Variants in ZNF148 observed in about 807,000 individuals in gnomAD.
The protein encoded by ZNF148 is Beta-Enolase Repressor Factor-1.
ZNF148 carries 7 observed loss-of-function variants against 67.7 expected under a neutral mutation model. The ratio of observed to expected loss-of-function variants is 0.10; its 90% confidence interval spans 0.06 to 0.19. The LOEUF (loss-of-function observed/expected upper bound fraction) is 0.19, where lower values mean the gene tolerates loss of function less well. Ranked by LOEUF, ZNF148 falls within the 10% of genes least tolerant of loss-of-function variation. The pLI, the probability that ZNF148 is intolerant of heterozygous loss-of-function variation, is 1.00. For synonymous variants in ZNF148, 333 were observed against 330.7 expected, an observed-to-expected ratio of 1.01 and a Z score of -0.08; for missense variants, 583 against 947.1, an observed-to-expected ratio of 0.62 and a Z score of 5.05.
At chr3:125,337,790 T>C (rs1222145915) in intron 1 of ZNF148, among the ~76,000 whole-genome samples, 1 of 152,152 alleles carries the variant, frequency 6.6e-6, no homozygotes, top group Non-Finnish European at 1.5e-5. Flanking sequence ...TTACACACCA[T>C]CTTAGTGGCA....
chr3:125,305,717 T>A (rs1478945974), intron 4 of ZNF148, among the ~76,000 whole-genome samples: 1 of 150,770 alleles, frequency 6.6e-6, no homozygotes, highest in Non-Finnish European at 1.5e-5. Flanking sequence ...GGAGACTGAG[T>A]TGTGAGGATT....
intron 7 of ZNF148, among the ~76,000 whole-genome samples, chr3:125,246,552 T>C (rs1003920735): frequency 1.3e-5 from 2 of 152,058 alleles, no homozygotes; most frequent in African/African-American, 4.8e-5. Context: ...AAATGTTAAA[T>C]GAGATAATTA....
At chr3:125,296,866 G>T (rs1371078451) in intron 4 of ZNF148, among the ~76,000 whole-genome samples, 6 of 151,364 alleles carry the variant, frequency 4.0e-5, no homozygotes, top group African/African-American at 4.9e-5. Flanking sequence ...ATATAAATAG[G>T]CATGTAGATA....
At chr3:125,351,380 C>CAAAAA (rs1158167448) in intron 1 of ZNF148, among the ~76,000 whole-genome samples, 668 of 51,036 alleles carry the variant, frequency 0.013, 76 homozygotes, top group Middle Eastern at 0.025. Flanking sequence ...CCTTGTTTCT[C>CAAAAA]AAAAAAAAAA....
intron 1 of ZNF148, among the ~76,000 whole-genome samples, chr3:125,342,893 G>C (rs978158410): frequency 6.6e-6 from 1 of 152,124 alleles, no homozygotes; most frequent in Non-Finnish European, 1.5e-5. Flanking sequence ...TATAAAAGTT[G>C]ATATTAGTAG....
intron 7 of ZNF148, among the ~76,000 whole-genome samples, chr3:125,254,738 C>T (rs1319915816): frequency 6.6e-6 from 1 of 151,962 alleles, no homozygotes; most frequent in African/African-American, 2.4e-5. Context: ...CTAATCCTTA[C>T]ATATAAAGTG....
At position 125,259,412 on chromosome 3, in the gene ZNF148, T is replaced by C. The variant is rs537855054; in HGVS notation, c.667+18314A>G. Among the ~76,000 whole-genome samples, 48 of 152,242 alleles carry C rather than the reference T, an allele frequency of 3.2e-4. 1 individual carries two copies. The South Asian group carries it at 1.0e-2, about 32-fold the overall frequency. ...CATAAGATACTGTGGAGATGTAAAA[T>C]GGTATAGTTGCTTTGGAAAATGCTA... On this transcript the variant is annotated intron_variant, in intron 7 of 8. Transcript: ENST00000360647.
intron 2 of ZNF148, among the ~76,000 whole-genome samples, chr3:125,325,418 A>G (rs1042651503): frequency 3.3e-5 from 5 of 152,118 alleles, no homozygotes; most frequent in Admixed American, 3.3e-4. Context: ...GAAGAGAAAG[A>G]GCAGAAAAAA....
At position 125,336,807 on chromosome 3, in the gene ZNF148, G is replaced by C. The variant is rs556671432; in HGVS notation, c.-233-5569C>G. ...TTCCCCTGCCTCAGCCTCCCACATA[G>C]CTGGGACTACAGGCGCGTGCCTCCA... On this transcript the variant is annotated intron_variant, in intron 1 of 8. Coordinates refer to ENST00000360647, the MANE Select transcript of ZNF148 (RefSeq NM_021964.3). 9.2e-4 allele frequency among the ~76,000 whole-genome samples: 135 copies of C among 146,210 alleles called. No homozygotes were observed. In the Middle Eastern group the frequency reaches 0.011, roughly 12 times the overall value.
chr3:125,312,972 A>G (rs566652090), intron 4 of ZNF148, among the ~76,000 whole-genome samples: 175 of 152,312 alleles, frequency 1.1e-3, no homozygotes, highest in African/African-American at 4.1e-3. Context: ...TGAATGTGTG[A>G]TATTTTTCTA....
At chr3:125,296,387 T>C (rs1939287342) in intron 4 of ZNF148, among the ~76,000 whole-genome samples, 1 of 152,250 alleles carries the variant, frequency 6.6e-6, no homozygotes, top group East Asian at 1.9e-4. Context: ...CCTCCCAAAG[T>C]GCTGGGATTA....
At chr3:125,236,884 G>C (rs1936117550) in intron 7 of ZNF148, among the ~76,000 whole-genome samples, 1 of 152,142 alleles carries the variant, frequency 6.6e-6, no homozygotes, top group Non-Finnish European at 1.5e-5. Flanking sequence ...TTACTACAAT[G>C]AATCCAGACC....
intron 1 of ZNF148, among the ~76,000 whole-genome samples, chr3:125,343,729 T>C (rs1051967473): frequency 6.6e-6 from 1 of 152,150 alleles, no homozygotes; most frequent in Non-Finnish European, 1.5e-5. Flanking sequence ...CCATCCACAC[T>C]GTGGAAGCTT....
intron 4 of ZNF148, among the ~76,000 whole-genome samples, chr3:125,297,795 A>C (rs550358832): frequency 5.9e-5 from 9 of 152,298 alleles, no homozygotes; most frequent in African/African-American, 1.4e-4. Context: ...TGGCAAAACC[A>C]ATTTAAAAAA....
intron 1 of ZNF148, among the ~76,000 whole-genome samples, chr3:125,372,814 A>T (rs1490873008): frequency 6.6e-6 from 1 of 151,926 alleles, no homozygotes; most frequent in Non-Finnish European, 1.5e-5. Context: ...TAAAAATACA[A>T]AATTAGCCAG....
intron 7 of ZNF148, among the ~76,000 whole-genome samples, chr3:125,255,971 G>A (rs1471388041): frequency 1.3e-5 from 2 of 151,848 alleles, no homozygotes; most frequent in Admixed American, 6.6e-5. Context: ...AATAGACATG[G>A]CTTGATATTC....
At chr3:125,264,944 C>T (rs1022765765) in intron 7 of ZNF148, among the ~76,000 whole-genome samples, 11 of 152,262 alleles carry the variant, frequency 7.2e-5, no homozygotes, top group East Asian at 1.9e-4. Context: ...ACAACCCAAA[C>T]GCTGCTGAGT....
chr3:125,289,110 C>G (rs1435017383), intron 4 of ZNF148, among the ~76,000 whole-genome samples: 1 of 152,122 alleles, frequency 6.6e-6, no homozygotes, highest in East Asian at 1.9e-4. Flanking sequence ...AAAACAAGAA[C>G]CTTAAAACTA....
chr3:125,333,398 T>C (rs1447990903), intron 1 of ZNF148, among the ~76,000 whole-genome samples: 1 of 152,326 alleles, frequency 6.6e-6, no homozygotes, highest in South Asian at 2.1e-4. Flanking sequence ...TCCTCTACCA[T>C]GTAAACCCAC....
Sources: allele counts gnomAD v4.1 joint callset (sites outside exome capture counted in the v4.1 genomes callset), GRCh38; gene constraint gnomAD v4.1.1; transcripts MANE v1.5; gene names NCBI Gene and HGNC (gene_info 2026-07-23, HGNC 2026-07-21).